The following BTRC variants were observed in gnomAD, a reference collection of about 807,000 sequenced individuals.
BTRC encodes beta-transducin repeat containing E3 ubiquitin protein ligase.
A neutral mutation model predicts 85.5 loss-of-function variants in BTRC; 42 were observed. That is an observed-to-expected ratio of 0.49 (90% CI 0.38 to 0.64). BTRC has a LOEUF of 0.64. BTRC is among the 30% of genes least tolerant of loss of function. The pLI, the probability that BTRC is intolerant of heterozygous loss-of-function variation, is 0.00. For missense variants in BTRC, 594 were observed against 743.5 expected, an observed-to-expected ratio of 0.80 and a Z score of 2.34; for synonymous variants, 255 against 263.3, an observed-to-expected ratio of 0.97 and a Z score of 0.30.
chr10:101,554,917 A>G lies in BTRC; in HGVS notation c.*1794A>G, dbSNP rs1279944364. 1 of 152,236 alleles carries G rather than the reference A, an allele frequency of 6.6e-6. No homozygotes were observed. Among genetic ancestry groups the G allele is most frequent in the Non-Finnish European group, 1.5e-5 (1 of 68,034 alleles). 9.4% of individuals were successfully genotyped at this position (152,236 alleles called of 1,614,324 possible). ...GTTACTACATATTGAGAGTCATTTT[A>G]TGCATATGCATTCTACCTTTCCTGC... On this transcript the variant is annotated 3_prime_UTR_variant, in exon 15 of 15. Coordinates refer to ENST00000370187, the MANE Select transcript of BTRC (RefSeq NM_033637.4).
Position 101,531,245 on chromosome 10 carries a change from A to G in BTRC, c.752A>G (p.Tyr251Cys). 2 of 1,597,022 alleles carry G rather than the reference A, an allele frequency of 1.3e-6. No homozygotes were observed. Among genetic ancestry groups the G allele is most frequent in the Non-Finnish European group, 1.7e-6 (2 of 1,165,000 alleles). The change falls in exon 7 of 15, where the codon TAT (tyrosine) becomes TGT (cysteine). Residue 251 changes from tyrosine to cysteine, a missense_variant. Tyr to Cys is a radical substitution (Grantham distance 194). Transcript: ENST00000370187. ...TATTTGTTATTTTTTAGGGGACAGT[A>G]TTTATTCAAAAACAAACCTCCTGAC... The part of the protein sequence containing the change: ...GLAERRGWGQ[Y>C]LFKNKPPDGN...
intron 4 of BTRC, among the ~76,000 whole-genome samples, chr10:101,490,696 A>G (rs1946107732): frequency 6.6e-6 from 1 of 151,926 alleles, no homozygotes; most frequent in Non-Finnish European, 1.5e-5. Flanking sequence ...TCCTCTTCCT[A>G]CCTCTTGCTG....
chr10:101,469,424 C>T (rs570614183), intron 3 of BTRC, among the ~76,000 whole-genome samples: 2 of 152,232 alleles, frequency 1.3e-5, no homozygotes, highest in South Asian at 2.1e-4. Context: ...AGGCCTGGCA[C>T]AGAGTTTCTG....
chr10:101,439,002 T>C (rs1944610872), intron 2 of BTRC, among the ~76,000 whole-genome samples: 1 of 152,206 alleles, frequency 6.6e-6, no homozygotes, highest in Non-Finnish European at 1.5e-5. Flanking sequence ...AGCATGTGGC[T>C]ACAGCACCCC....
At chr10:101,360,471 T>C (rs1942173239) in intron 1 of BTRC, among the ~76,000 whole-genome samples, 1 of 151,538 alleles carries the variant, frequency 6.6e-6, no homozygotes, top group Non-Finnish European at 1.5e-5. Context: ...CTTCCCAGGT[T>C]CAGGCAATTC....
At chr10:101,360,655 G>A (rs1293937872) in intron 1 of BTRC, among the ~76,000 whole-genome samples, 2 of 152,176 alleles carry the variant, frequency 1.3e-5, no homozygotes, top group Non-Finnish European at 2.9e-5. Flanking sequence ...ATAGGCATTA[G>A]CTACCGCGTC....
intron 1 of BTRC, among the ~76,000 whole-genome samples, chr10:101,360,410 G>A (rs948078745): frequency 3.2e-5 from 4 of 126,368 alleles, no homozygotes; most frequent in African/African-American, 3.0e-5. Flanking sequence ...GTCTTGCTCT[G>A]TCACCCAGGC....
At chr10:101,470,601 A>G (rs1448684535) in intron 3 of BTRC, among the ~76,000 whole-genome samples, 1 of 152,116 alleles carries the variant, frequency 6.6e-6, no homozygotes, top group African/African-American at 2.4e-5. Flanking sequence ...AAGTGCTGGG[A>G]TTACAGGCGC....
intron 1 of BTRC, among the ~76,000 whole-genome samples, chr10:101,373,638 C>T (rs1942702638): frequency 6.6e-6 from 1 of 151,984 alleles, no homozygotes; most frequent in African/African-American, 2.4e-5. Flanking sequence ...ATGGGCAGGG[C>T]CGGGCGCGGT....
intron 2 of BTRC, among the ~76,000 whole-genome samples, chr10:101,450,884 C>G (rs2134138411): frequency 6.6e-6 from 1 of 152,246 alleles, no homozygotes; most frequent in African/African-American, 2.4e-5. Flanking sequence ...ATTCGCAGAC[C>G]TAGCAATATT....
chr10:101,433,732 T>C (rs1944457940), intron 2 of BTRC, among the ~76,000 whole-genome samples: 1 of 152,176 alleles, frequency 6.6e-6, no homozygotes. Context: ...TAAGCACAAG[T>C]TTTACCTGAT....
At chr10:101,371,954 A>G (rs1417670685) in intron 1 of BTRC, among the ~76,000 whole-genome samples, 1 of 152,188 alleles carries the variant, frequency 6.6e-6, no homozygotes, top group Non-Finnish European at 1.5e-5. Context: ...CAAAAGGATC[A>G]GAATTCTTTT....
At chr10:101,354,430 C>A in intron 1 of BTRC, 1 of 589,674 alleles carries the variant, frequency 1.7e-6, no homozygotes, top group Non-Finnish European at 2.9e-6. Context: ...GCAGCGGCTC[C>A]GCCATCTTGT....
chr10:101,465,615 G>A (rs1216669667), intron 3 of BTRC, among the ~76,000 whole-genome samples: 2 of 152,274 alleles, frequency 1.3e-5, no homozygotes, highest in Admixed American at 6.5e-5. Context: ...CGAATTTTAT[G>A]CCAGACCCTT....
chr10:101,377,900 G>A (rs887562506), intron 1 of BTRC, among the ~76,000 whole-genome samples: 3 of 151,946 alleles, frequency 2.0e-5, no homozygotes, highest in East Asian at 1.9e-4. Context: ...GTGACCTTTG[G>A]TGTGTAGAAC....
intron 4 of BTRC, among the ~76,000 whole-genome samples, chr10:101,508,685 C>T (rs577566310): frequency 6.6e-6 from 1 of 152,000 alleles, no homozygotes; most frequent in African/African-American, 2.4e-5. Flanking sequence ...GAGGCCGAGG[C>T]GGGCAGATCA....
At chr10:101,508,187 A>G (rs1165896898) in intron 4 of BTRC, among the ~76,000 whole-genome samples, 1 of 152,202 alleles carries the variant, frequency 6.6e-6, no homozygotes, top group Non-Finnish European at 1.5e-5. Context: ...ATAGTTAGTA[A>G]ATAGGAAAAA....
intron 4 of BTRC, among the ~76,000 whole-genome samples, chr10:101,498,529 A>G (rs535931021): frequency 3.9e-5 from 6 of 152,262 alleles, no homozygotes; most frequent in South Asian, 2.1e-4. Flanking sequence ...CCTCAGTCCC[A>G]TAAGCTAATG....
At chr10:101,438,422 C>CAAAAAAAAA (rs34955428) in intron 2 of BTRC, among the ~76,000 whole-genome samples, 2 of 57,762 alleles carry the variant, frequency 3.5e-5, no homozygotes, top group African/African-American at 1.5e-4. Flanking sequence ...GAGACTGCCT[C>CAAAAAAAAA]AAAAAAAAAA....
Sources: allele counts gnomAD v4.1 joint callset (sites outside exome capture counted in the v4.1 genomes callset), GRCh38; gene constraint gnomAD v4.1.1; transcripts MANE v1.5; gene names NCBI Gene and HGNC (gene_info 2026-07-23, HGNC 2026-07-21).